The following NOTCH2NLR variants were observed in gnomAD, a reference collection of about 807,000 sequenced individuals.
NOTCH2NLR encodes the protein notch 2 N-terminal like R (pseudogene).
NOTCH2NLR carries 33 observed loss-of-function variants against 35.6 expected under a neutral mutation model. The observed-to-expected ratio is 0.93, with a 90% CI of 0.70 to 1.24. The LOEUF (loss-of-function observed/expected upper bound fraction) is 1.24, where lower values mean the gene tolerates loss of function less well. Ranked by LOEUF, NOTCH2NLR falls within the 50% of genes most tolerant of loss-of-function variation. The pLI is 0.00. For synonymous variants in NOTCH2NLR, 103 were observed against 141.0 expected (o/e 0.73, Z 1.91); for missense variants, 276 against 362.2 (o/e 0.76, Z 1.93).
chr1:120,732,909 A>G (rs1354568057), intron 1 of NOTCH2NLR, among the ~76,000 whole-genome samples: 1 of 104,840 alleles, frequency 9.5e-6, no homozygotes, highest in Non-Finnish European at 1.8e-5. Flanking sequence ...TCGTATTTAT[A>G]CTTTGCTGAT....
Position 120,727,766 on chromosome 1 carries a change from A to G in NOTCH2NLR, c.73+3516A>G, listed in dbSNP as rs1299774320. Among the ~76,000 whole-genome samples, 8 of 116,126 alleles carry G rather than the reference A, an allele frequency of 6.9e-5. 2 individuals are homozygous for G. The highest frequency in any genetic ancestry group is 4.2e-4 in the East Asian group (2 of 4,708). The allele number at this position is 116,126 out of a possible 152,430, so 76.2% of individuals were successfully genotyped here. On this transcript the variant is annotated intron_variant, in intron 1 of 4. Coordinates refer to ENST00000624419, the Ensembl canonical transcript of NOTCH2NLR. The stretch of plus-strand genomic sequence containing the variant: ...TTCGAATGCCTAAATTTGAACTATT[A>G]ATTTTCCTTCCACGCTTTCCTGATT...
chr1:120,763,776 T>C, intron 2 of NOTCH2NLR, 67 bp downstream of exon 2: 1 of 653,364 alleles, frequency 1.5e-6, no homozygotes, highest in Non-Finnish European at 2.7e-6. Context: ...ATTCTACTCC[T>C]CTATTTTTAA....
chr1:120,747,794 A>G lies in NOTCH2NLR; in HGVS notation c.74-15834A>G, dbSNP rs1650991399. Among the ~76,000 whole-genome samples the G allele has an allele frequency of 6.7e-5, 2 of 29,834 alleles. 1 individual carries two copies. Among genetic ancestry groups the G allele is most frequent in the African/African-American group, 8.0e-4 (2 of 2,490 alleles). 19.6% of individuals were successfully genotyped at this position (29,834 alleles called of 152,430 possible). On this transcript the variant is annotated intron_variant, in intron 1 of 4. Transcript: ENST00000624419. Reference sequence around the variant, plus strand: ...AATTGAAGAGTTTAATGTCTAAGATATTTGTTCTTTTGTTTGTAGCTTATC... The same window carrying G: ...AATTGAAGAGTTTAATGTCTAAGATGTTTGTTCTTTTGTTTGTAGCTTATC...
Position 120,728,053 on chromosome 1 carries a change from T to C in NOTCH2NLR, c.73+3803T>C, listed in dbSNP as rs1208862249. ...TAGAGTTGAGACTAGAATTCCTTTC[T>C]TCTGGTGTCCAGTGCCTCATTCACT... On this transcript the variant is annotated intron_variant, in intron 1 of 4. Coordinates refer to ENST00000624419, the Ensembl canonical transcript of NOTCH2NLR. Among the ~76,000 whole-genome samples the C allele has an allele frequency of 1.7e-5, 2 of 118,818 alleles. 1 individual carries two copies. The highest frequency in any genetic ancestry group is 3.3e-5 in the Non-Finnish European group (2 of 61,420). 77.9% of individuals were successfully genotyped at this position (118,818 alleles called of 152,430 possible).
Position 120,782,761 on chromosome 1 carries a change from TATG to T in NOTCH2NLR, c.156-2211_156-2209del. Among the ~76,000 whole-genome samples the T allele has an allele frequency of 2.0e-5, 2 of 100,110 alleles. 1 individual carries two copies. The highest frequency in any genetic ancestry group is 4.8e-4 in the East Asian group (2 of 4,140). 65.7% of individuals were successfully genotyped at this position (100,110 alleles called of 152,430 possible). ...TTTTAGCTATTATGAATAATGCTGCTATGAACATTTTTATTATGTGGGCATATG... is the reference window on the plus strand; with the variant it reads ...TTTTAGCTATTATGAATAATGCTGCTAACATTTTTATTATGTGGGCATATG... On this transcript the variant is annotated intron_variant, in intron 2 of 4. Transcript: ENST00000624419.
At position 120,765,896 on chromosome 1, in the gene NOTCH2NLR, G is replaced by A. The variant is rs1395425722; in HGVS notation, c.155+2187G>A. Reference sequence around the variant, plus strand: ...AACACAGGAACAGAAAACCAAACACGGCATGTTCTCACTCATAAGTGGGAG... The same window carrying A: ...AACACAGGAACAGAAAACCAAACACAGCATGTTCTCACTCATAAGTGGGAG... On this transcript the variant is annotated intron_variant, in intron 2 of 4. Coordinates refer to ENST00000624419, the Ensembl canonical transcript of NOTCH2NLR. 6.6e-5 allele frequency among the ~76,000 whole-genome samples: 7 copies of A among 106,526 alleles called. 1 individual carries two copies. Among genetic ancestry groups the A allele is most frequent in the Non-Finnish European group, 1.3e-4 (7 of 55,764 alleles). 69.9% of individuals were successfully genotyped at this position (106,526 alleles called of 152,430 possible).
intron 2 of NOTCH2NLR, among the ~76,000 whole-genome samples, chr1:120,780,032 C>A (rs1448490890): frequency 7.6e-6 from 1 of 131,234 alleles, no homozygotes; most frequent in Non-Finnish European, 1.6e-5. Flanking sequence ...TTCTACCAGG[C>A]AGATCACAGA....
chr1:120,770,476 T>C lies in NOTCH2NLR; in HGVS notation c.155+6767T>C, dbSNP rs1651250534. Reference sequence around the variant, plus strand: ...GAGCCACCACACCCAGCCGAGGACATAGGTTTTTTTATGCCAGATAGACTT... The same window carrying C: ...GAGCCACCACACCCAGCCGAGGACACAGGTTTTTTTATGCCAGATAGACTT... On this transcript the variant is annotated intron_variant, in intron 2 of 4. Transcript: ENST00000624419. 1.8e-5 allele frequency among the ~76,000 whole-genome samples: 2 copies of C among 113,954 alleles called. 1 individual carries two copies. The highest frequency in any genetic ancestry group is 1.6e-4 in the Admixed American group (2 of 12,202). The allele number at this position is 113,954 out of a possible 152,430, so 74.8% of individuals were successfully genotyped here. A position where few individuals can be genotyped will look rare whatever the true frequency, so the allele number is the denominator to read the frequency against.
At chr1:120,781,723 C>G (rs1651363576) in intron 2 of NOTCH2NLR, among the ~76,000 whole-genome samples, 1 of 104,912 alleles carries the variant, frequency 9.5e-6, no homozygotes, top group Non-Finnish European at 1.8e-5. Context: ...GCCACCACGC[C>G]TGGCTAATTT....
At chr1:120,770,169 TTTG>T (rs1328664464) in intron 2 of NOTCH2NLR, among the ~76,000 whole-genome samples, 3 of 97,530 alleles carry the variant, frequency 3.1e-5, no homozygotes, top group African/African-American at 1.2e-4. Context: ...GACATAGTTT[TTTG>T]TTGTTGTTTT....
At chr1:120,761,148 T>C (rs1651133000) in intron 1 of NOTCH2NLR, among the ~76,000 whole-genome samples, 1 of 125,568 alleles carries the variant, frequency 8.0e-6, no homozygotes, top group African/African-American at 3.5e-5. Context: ...GCTAGATTGA[T>C]TGCTACATAT....
At chr1:120,760,663 GT>G (rs1651127000) in intron 1 of NOTCH2NLR, among the ~76,000 whole-genome samples, 5 of 97,956 alleles carry the variant, frequency 5.1e-5, no homozygotes, top group Non-Finnish European at 1.0e-4. Flanking sequence ...TTTCACAATG[GT>G]TGTACTAATT....
intron 2 of NOTCH2NLR, among the ~76,000 whole-genome samples, chr1:120,777,678 G>A (rs1651314127): frequency 1.4e-5 from 1 of 70,566 alleles, no homozygotes; most frequent in Non-Finnish European, 2.4e-5. Context: ...TTGAGAGAAG[G>A]GGGGGTTGAG....
At chr1:120,724,953 AGC>A (rs1650801899) in intron 1 of NOTCH2NLR, among the ~76,000 whole-genome samples, 1 of 62,644 alleles carries the variant, frequency 1.6e-5, no homozygotes, top group East Asian at 3.3e-4. Context: ...CGAGGCGCGG[AGC>A]TCTGCTGCTG....
rs1276329020 is a variant in NOTCH2NLR, at chr1:120,768,548, C to T, written c.155+4839C>T. Among the ~76,000 whole-genome samples the T allele has an allele frequency of 4.3e-3, 471 of 109,706 alleles. 98 individuals carry two copies. The highest frequency in any genetic ancestry group is 0.023 in the Middle Eastern group (6 of 256). 72.0% of individuals were successfully genotyped at this position (109,706 alleles called of 152,430 possible). On this transcript the variant is annotated intron_variant, in intron 2 of 4. Transcript: ENST00000624419. ...TGACTCCTCAGTATCACAGGACTTCCGTTTTCTGCTTGCACACTCTTCCTC... is the reference window on the plus strand; with the variant it reads ...TGACTCCTCAGTATCACAGGACTTCTGTTTTCTGCTTGCACACTCTTCCTC...
chr1:120,759,628 G>A (rs1291673957), intron 1 of NOTCH2NLR, among the ~76,000 whole-genome samples: 2 of 104,430 alleles, frequency 1.9e-5, no homozygotes, highest in East Asian at 4.5e-4. Context: ...ATTTCTCTTT[G>A]TGTGGAAGAT....
At chr1:120,729,810 C>T (rs1479618264) in intron 1 of NOTCH2NLR, among the ~76,000 whole-genome samples, 2 of 114,226 alleles carry the variant, frequency 1.8e-5, no homozygotes, top group Non-Finnish European at 3.3e-5. Flanking sequence ...AAGAAATAGC[C>T]AGGTGATTCT....
chr1:120,734,424 G>T (rs1191767292), intron 1 of NOTCH2NLR, among the ~76,000 whole-genome samples: 1 of 89,596 alleles, frequency 1.1e-5, no homozygotes, highest in Non-Finnish European at 2.1e-5. Context: ...TTTTTTTAAT[G>T]GTGTAGTTCA....
At chr1:120,777,486 T>A (rs1248726027) in intron 2 of NOTCH2NLR, among the ~76,000 whole-genome samples, 1 of 111,252 alleles carries the variant, frequency 9.0e-6, no homozygotes, top group Non-Finnish European at 1.7e-5. Context: ...TGTATACTTG[T>A]CTTTGTTTCT....
Sources: allele counts gnomAD v4.1 joint callset (sites outside exome capture counted in the v4.1 genomes callset), GRCh38; gene constraint gnomAD v4.1.1; transcripts MANE v1.5; gene names NCBI Gene and HGNC (gene_info 2026-07-23, HGNC 2026-07-21).